TTC7B: variants seen among roughly 807,000 people sequenced by gnomAD.
The protein encoded by TTC7B is tetratricopeptide repeat protein 7B.
TTC7B carries 28 observed loss-of-function variants against 106.8 expected under a neutral mutation model. The observed-to-expected ratio is 0.26, with a 90% CI of 0.19 to 0.36. TTC7B has a LOEUF of 0.36. Among genes scored for constraint, TTC7B ranks in the 10% least tolerant of loss-of-function variants. The pLI, the probability that TTC7B is intolerant of heterozygous loss-of-function variation, is 1.00. For missense variants in TTC7B, 862 were observed against 1,076.4 expected (o/e 0.80, Z 2.79); for synonymous variants, 405 against 430.6 (o/e 0.94, Z 0.74).
rs1164150645 is a variant in TTC7B at position 90,577,157 on chromosome 14, G to A, written c.2310+949C>T. On this transcript the variant is annotated intron_variant, in intron 19 of 19. Transcript: ENST00000328459. The surrounding 1 kb of genome is among the most constrained non-coding windows in gnomAD (Gnocchi z 5.0). ...ATAATAAAAGGCTCTTCTTTCCTGC[G>A]GTTCATGACATCAGCGATGTCTACT... 2.6e-5 allele frequency among the ~76,000 whole-genome samples: 4 copies of A among 152,146 alleles called. No homozygotes were observed. The highest frequency in any genetic ancestry group is 5.9e-5 in the Non-Finnish European group (4 of 68,024).
intron 9 of TTC7B, among the ~76,000 whole-genome samples, chr14:90,673,410 G>A (rs897405954): frequency 6.6e-6 from 1 of 152,044 alleles, no homozygotes; most frequent in Non-Finnish European, 1.5e-5. Context: ...CATTATGGGC[G>A]GAAAGGAAAA....
At position 90,525,508 on chromosome 14, in the gene TTC7B, G is replaced by A. The variant is rs1030016846; in HGVS notation, c.*15860C>T. 5 of 146,582 alleles carry A rather than the reference G, an allele frequency of 3.4e-5. No homozygotes were observed. Among genetic ancestry groups the A allele is most frequent in the Non-Finnish European group, 6.1e-5 (4 of 66,008 alleles). The allele number at this position is 146,582 out of a possible 1,614,324, so 9.1% of individuals were successfully genotyped here. A position where few individuals can be genotyped will look rare whatever the true frequency, so the allele number is the denominator to read the frequency against. ...CCGCTTTCGCCCTGCGGCCCGGCTC[G>A]GTAGCCTGATCAGTCGCGTTCCCGG... On this transcript the variant is annotated 3_prime_UTR_variant, in exon 20 of 20. Coordinates refer to ENST00000328459, the MANE Select transcript of TTC7B (RefSeq NM_001010854.2).
At chr14:90,785,585 C>T (rs575958268) in intron 2 of TTC7B, among the ~76,000 whole-genome samples, 1 of 152,146 alleles carries the variant, frequency 6.6e-6, no homozygotes, top group South Asian at 2.1e-4. Flanking sequence ...GGAAGGAAAG[C>T]CACGTGAGAG....
chr14:90,653,049 G>A (rs956274038), intron 12 of TTC7B, 151 bp from the exon 13 acceptor site: 4 of 796,210 alleles, frequency 5.0e-6, no homozygotes, highest in Non-Finnish European at 6.3e-6. Flanking sequence ...CCCTGGAGAA[G>A]ATAGGAAACA....
At chr14:90,720,024 CTTT>C (rs35375863) in intron 5 of TTC7B, among the ~76,000 whole-genome samples, 1 of 144,804 alleles carries the variant, frequency 6.9e-6, no homozygotes, top group Non-Finnish European at 1.5e-5. Context: ...ATGCACAGAC[CTTT>C]TTTTTTTTTT....
At chr14:90,644,251 G>GCACA (rs1249897044) in intron 14 of TTC7B, 43 bp from the exon 15 acceptor site, 2 of 1,396,950 alleles carry the variant, frequency 1.4e-6, no homozygotes, top group Non-Finnish European at 9.5e-7. Context: ...ATACACACAT[G>GCACA]CACACGCACA....
Position 90,680,529 on chromosome 14 carries a change from A to G in TTC7B, c.957T>C (p.Phe319=), listed in dbSNP as rs368343992. 6.9e-5 allele frequency: 111 copies of G among 1,613,618 alleles called. No individual in the cohort carries two copies. Among genetic ancestry groups the G allele is most frequent in the Non-Finnish European group, 8.9e-5 (105 of 1,179,748 alleles). Residue 319 remains phenylalanine (F), a synonymous_variant, in exon 8 of 20, where the codon TTT becomes TTC. Transcript: ENST00000328459. ...CTTCTTCCGTATTTTCTTGAGGACA[A>G]AAAATGCTGCAGTTGAAAGAAAACT... ...RARVYSGENI[F]CPQENTEEAL...
chr14:90,756,141 T>C (rs1204634378), intron 3 of TTC7B, among the ~76,000 whole-genome samples: 8 of 152,136 alleles, frequency 5.3e-5, no homozygotes, highest in Non-Finnish European at 1.2e-4. Flanking sequence ...ACTGGTGTGA[T>C]GAGTAAGTGT....
intron 18 of TTC7B, among the ~76,000 whole-genome samples, chr14:90,591,367 C>A (rs1891951067): frequency 1.3e-5 from 2 of 152,104 alleles, no homozygotes; most frequent in Non-Finnish European, 2.9e-5. Context: ...GAAAGGATAG[C>A]TCCAAGCTGA....
intron 7 of TTC7B, among the ~76,000 whole-genome samples, chr14:90,684,799 G>T (rs961348757): frequency 1.3e-5 from 2 of 152,008 alleles, no homozygotes; most frequent in African/African-American, 2.4e-5. Context: ...TACTTACATG[G>T]ATATGTTGAT....
At chr14:90,782,937 A>G (rs1891267542) in intron 2 of TTC7B, among the ~76,000 whole-genome samples, 1 of 152,022 alleles carries the variant, frequency 6.6e-6, no homozygotes, top group Non-Finnish European at 1.5e-5. Context: ...TGTATATTTT[A>G]CCAAAAGGGA....
chr14:90,659,600 C>T (rs150179583), intron 9 of TTC7B, among the ~76,000 whole-genome samples: 75 of 152,160 alleles, frequency 4.9e-4, no homozygotes, highest in African/African-American at 1.8e-3. Context: ...AGTGTCACAA[C>T]ACAGAGAGGG....
At position 90,765,995 on chromosome 14, in the gene TTC7B, A is replaced by G. The variant is rs558211140; in HGVS notation, c.445+14743T>C. On this transcript the variant is annotated intron_variant, in intron 3 of 19. Transcript: ENST00000328459. ...AGGGCCAGACATTCAAGACTAGAGC[A>G]TTCAAAGGCAACTACATACATGGGG... Among the ~76,000 whole-genome samples, 10 of 152,292 alleles carry G rather than the reference A, an allele frequency of 6.6e-5. No individual in the cohort carries two copies. In the East Asian group the frequency reaches 1.7e-3, roughly 26 times the overall value.
At chr14:90,641,476 A>T (rs1451598826) in intron 15 of TTC7B, among the ~76,000 whole-genome samples, 1 of 152,248 alleles carries the variant, frequency 6.6e-6, no homozygotes, top group African/African-American at 2.4e-5. Context: ...ACAAGTGCCC[A>T]CTTAATCTTG....
intron 3 of TTC7B, among the ~76,000 whole-genome samples, chr14:90,747,738 C>T (rs1296064184): frequency 3.3e-5 from 5 of 152,184 alleles, no homozygotes; most frequent in Non-Finnish European, 7.3e-5. Context: ...AATCCCCAAG[C>T]ATAACTGTGC....
rs550354048 is a variant in TTC7B at position 90,706,842 on chromosome 14, C to G, written c.699-11264G>C. Among the ~76,000 whole-genome samples, 6 of 152,288 alleles carry G rather than the reference C, an allele frequency of 3.9e-5. No homozygotes were observed. The South Asian group carries it at 1.2e-3, about 32-fold the overall frequency. On this transcript the variant is annotated intron_variant, in intron 5 of 19. Coordinates refer to ENST00000328459, the MANE Select transcript of TTC7B (RefSeq NM_001010854.2). ...CTAGGGATGTTCACTGCTAATGGTT[C>G]GGTCACCTTAGCGAGAACTCTCTCT...
At chr14:90,733,781 G>A (rs1229200238) in intron 4 of TTC7B, among the ~76,000 whole-genome samples, 1 of 152,174 alleles carries the variant, frequency 6.6e-6, no homozygotes, top group African/African-American at 2.4e-5. Context: ...CCCACCATTC[G>A]CGGACTTAGG....
At chr14:90,636,759 A>T (rs1025001308) in intron 15 of TTC7B, among the ~76,000 whole-genome samples, 3 of 152,018 alleles carry the variant, frequency 2.0e-5, no homozygotes, top group African/African-American at 4.8e-5. Flanking sequence ...CATATTTGAC[A>T]ATTGTAAAAC....
chr14:90,780,623 G>T, intron 3 of TTC7B, 115 bp downstream of exon 3: 1 of 1,277,288 alleles, frequency 7.8e-7, no homozygotes, highest in South Asian at 1.4e-5. Context: ...CAGCAGCCTT[G>T]CTGGGAACTG....
Sources: gnomAD v4.1 joint callset for allele counts (sites outside exome capture counted in the v4.1 genomes callset) on GRCh38, gnomAD v4.1.1 for gene constraint, Gnocchi (gnomAD v3.1) non-coding constraint, MANE v1.5 for transcripts, NCBI Gene and HGNC (gene_info 2026-07-23, HGNC 2026-07-21) for gene names.